The following MAPK8 variants were observed in gnomAD, a reference collection of about 807,000 sequenced individuals.
MAPK8 encodes mitogen-activated protein kinase 8, also known as JUN N-terminal kinase.
MAPK8 carries 13 observed loss-of-function variants against 52.9 expected under a neutral mutation model. The ratio of observed to expected loss-of-function variants is 0.25; its 90% CI spans 0.16 to 0.39. The LOEUF is 0.39. Ranked by LOEUF, MAPK8 falls within the 10% of genes least tolerant of loss-of-function variation. The pLI is 1.00. For missense variants in MAPK8, 300 were observed against 519.2 expected, an observed-to-expected ratio of 0.58 and a Z score of 4.10; for synonymous variants, 191 against 169.8, an observed-to-expected ratio of 1.12 and a Z score of -0.97.
At chr10:48,310,132 C>G (rs980320603) in intron 1 of MAPK8, among the ~76,000 whole-genome samples, 2 of 152,174 alleles carry the variant, frequency 1.3e-5, no homozygotes, top group Non-Finnish European at 2.9e-5. Flanking sequence ...AGGAATCAGA[C>G]CTAGGTTCAT....
chr10:48,370,588 A>G (rs1848451601), intron 1 of MAPK8, among the ~76,000 whole-genome samples: 1 of 152,154 alleles, frequency 6.6e-6, no homozygotes, highest in Non-Finnish European at 1.5e-5. Flanking sequence ...AATAAGTGAC[A>G]GTAACTCAGC....
At chr10:48,380,362 A>G (rs2040924430) in intron 1 of MAPK8, among the ~76,000 whole-genome samples, 1 of 152,230 alleles carries the variant, frequency 6.6e-6, no homozygotes, top group Admixed American at 6.5e-5. Context: ...AAAGCTGAAC[A>G]CTATTTCTTG....
chr10:48,425,245 G>T (rs770491206), intron 7 of MAPK8: 1 of 746,494 alleles, frequency 1.3e-6, no homozygotes. Context: ...TGGCCTTCAG[G>T]GTCCTGGAGT....
chr10:48,323,141 A>G (rs892934379), intron 1 of MAPK8, among the ~76,000 whole-genome samples: 1 of 152,232 alleles, frequency 6.6e-6, no homozygotes, highest in Non-Finnish European at 1.5e-5. Flanking sequence ...CCTTAGGAAT[A>G]GAAATGGGAG....
Position 48,411,160 on chromosome 10 carries a change from C to T in MAPK8, c.450+992C>T, listed in dbSNP as rs73309919. On this transcript the variant is annotated intron_variant, in intron 5 of 11. Transcript: ENST00000374189. ...ACAATTGTTTATTTCATCACTTGTG[C>T]TTTTGGTATCATGTATAAGAATCCA... Among the ~76,000 whole-genome samples the T allele has an allele frequency of 3.0e-3, 456 of 152,200 alleles. 4 individuals are homozygous for T. Among genetic ancestry groups the T allele is most frequent in the African/African-American group, 0.011 (444 of 41,510 alleles).
intron 1 of MAPK8, among the ~76,000 whole-genome samples, chr10:48,338,117 A>T (rs971075499): frequency 1.6e-4 from 24 of 151,980 alleles, no homozygotes; most frequent in African/African-American, 5.6e-4. Context: ...TATCATCCCA[A>T]TATCAAAATC....
chr10:48,372,127 G>A (rs970382885), intron 1 of MAPK8, among the ~76,000 whole-genome samples: 4 of 151,942 alleles, frequency 2.6e-5, no homozygotes, highest in African/African-American at 9.7e-5. Context: ...TTGGTTTATC[G>A]ACTCAACCTT....
At position 48,382,759 on chromosome 10, in the gene MAPK8, A is replaced by G. The variant is rs950730452; in HGVS notation, c.-49-18853A>G. On this transcript the variant is annotated intron_variant, in intron 1 of 11. Transcript: ENST00000374189. The stretch of plus-strand genomic sequence containing the variant: ...CTTCTACAAAAAAAAAATATTTTAT[A>G]TATTTTTTATATATTATATATCTTT... 3.3e-4 allele frequency among the ~76,000 whole-genome samples: 49 copies of G among 147,460 alleles called. No individual in the cohort carries two copies. The East Asian group carries it at 7.8e-3, about 23-fold the overall frequency.
At chr10:48,413,468 C>G (rs2042870059) in intron 5 of MAPK8, among the ~76,000 whole-genome samples, 1 of 151,938 alleles carries the variant, frequency 6.6e-6, no homozygotes, top group Admixed American at 6.6e-5. Flanking sequence ...TTCATAGTAA[C>G]CATCCTAAAG....
chr10:48,347,033 G>T (rs977437034), intron 1 of MAPK8, among the ~76,000 whole-genome samples: 4 of 152,134 alleles, frequency 2.6e-5, no homozygotes, highest in African/African-American at 9.7e-5. Flanking sequence ...TGGTGGTAGT[G>T]GTCCCCCGGG....
intron 1 of MAPK8, among the ~76,000 whole-genome samples, chr10:48,344,792 A>G (rs1416028786): frequency 6.6e-6 from 1 of 152,206 alleles, no homozygotes; most frequent in Non-Finnish European, 1.5e-5. Flanking sequence ...CCATATAATT[A>G]GAATTACAAA....
chr10:48,400,855 T>C (rs550171592), intron 1 of MAPK8, among the ~76,000 whole-genome samples: 1 of 152,322 alleles, frequency 6.6e-6, no homozygotes, highest in East Asian at 1.9e-4. Flanking sequence ...AGAAAAAAAG[T>C]GTCTTGATTT....
chr10:48,359,002 T>C (rs889207991), intron 1 of MAPK8, among the ~76,000 whole-genome samples: 2 of 152,242 alleles, frequency 1.3e-5, no homozygotes, highest in Non-Finnish European at 2.9e-5. Context: ...TTTTTATTAC[T>C]GTTACTGTGT....
chr10:48,354,273 A>T (rs956222992), intron 1 of MAPK8, among the ~76,000 whole-genome samples: 1 of 152,242 alleles, frequency 6.6e-6, no homozygotes, highest in African/African-American at 2.4e-5. Context: ...TGTGACATTT[A>T]AACTGGTTTT....
At chr10:48,380,366 T>C (rs568197362) in intron 1 of MAPK8, among the ~76,000 whole-genome samples, 3 of 152,338 alleles carry the variant, frequency 2.0e-5, no homozygotes, top group African/African-American at 7.2e-5. Context: ...CTGAACACTA[T>C]TTCTTGTCTG....
At position 48,439,327 on chromosome 10, in the gene MAPK8, T is replaced by G. The variant is rs2045113661; in HGVS notation, c.*4298T>G. On this transcript the variant is annotated 3_prime_UTR_variant, in exon 12 of 12. Coordinates refer to ENST00000374189, the MANE Select transcript of MAPK8 (RefSeq NM_001323329.2). ...TGTCAATTGGTTATAATATTTTAAATAAAAAAGAAAAAAGTGGTATGAAAA... is the reference window on the plus strand; with the variant it reads ...TGTCAATTGGTTATAATATTTTAAAGAAAAAAGAAAAAAGTGGTATGAAAA... 1.3e-5 allele frequency: 2 copies of G among 150,276 alleles called. No homozygotes were observed. The highest frequency in any genetic ancestry group is 3.0e-5 in the Non-Finnish European group (2 of 67,688). The allele number at this position is 150,276 out of a possible 1,614,324, so 9.3% of individuals were successfully genotyped here. A position where few individuals can be genotyped will look rare whatever the true frequency, so the allele number is the denominator to read the frequency against.
chr10:48,371,942 CAA>C (rs1180998788), intron 1 of MAPK8, among the ~76,000 whole-genome samples: 1 of 152,024 alleles, frequency 6.6e-6, no homozygotes, highest in Non-Finnish European at 1.5e-5. Context: ...GATGAACAGA[CAA>C]GATGCATAAC....
At chr10:48,425,141 A>G (rs751898619) in intron 7 of MAPK8, 1 of 745,634 alleles carries the variant, frequency 1.3e-6, no homozygotes, top group Non-Finnish European at 2.5e-6. Flanking sequence ...GTGATTTGTT[A>G]TGTGTTTACC....
At chr10:48,404,681 A>C (rs1377485269) in intron 2 of MAPK8, among the ~76,000 whole-genome samples, 171 bp from the exon 3 acceptor site, 1 of 152,186 alleles carries the variant, frequency 6.6e-6, no homozygotes, top group African/African-American at 2.4e-5. Flanking sequence ...AGTTGCAAAA[A>C]AATATATGTT....
Sources: allele counts gnomAD v4.1 joint callset (sites outside exome capture counted in the v4.1 genomes callset), GRCh38; gene constraint gnomAD v4.1.1; transcripts MANE v1.5; gene names NCBI Gene and HGNC (gene_info 2026-07-23, HGNC 2026-07-21).